The following POLB variants were observed in gnomAD, a reference collection of about 807,000 sequenced individuals.
POLB encodes the protein 5'-dRP lyase.
A neutral mutation model predicts 52.7 loss-of-function variants in POLB; 37 were observed. That is an observed-to-expected ratio of 0.70 (90% CI 0.54 to 0.92). The LOEUF (loss-of-function observed/expected upper bound fraction) is 0.92. Among genes scored for constraint, POLB ranks in the 40% least tolerant of loss-of-function variants. The pLI is 0.00. For missense variants in POLB, 313 were observed against 400.8 expected (o/e 0.78, Z 1.87); for synonymous variants, 138 against 131.3 (o/e 1.05, Z -0.35).
At chr8:42,353,456 A>T (rs1463510693) in intron 6 of POLB, among the ~76,000 whole-genome samples, 1 of 152,144 alleles carries the variant, frequency 6.6e-6, no homozygotes, top group African/African-American at 2.4e-5. Context: ...TTAGATTAAA[A>T]GCTAAGTTAT....
chr8:42,338,771 A>G (rs1395372689), intron 1 of POLB, 86 bp downstream of exon 1: 9 of 1,337,010 alleles, frequency 6.7e-6, no homozygotes, highest in Non-Finnish European at 8.6e-6. Flanking sequence ...CCGACAGTCC[A>G]GTGGGTAGGG....
chr8:42,347,023 A>G (rs1822659599), intron 3 of POLB, among the ~76,000 whole-genome samples: 1 of 152,082 alleles, frequency 6.6e-6, no homozygotes, highest in African/African-American at 2.4e-5. Context: ...TTTTATCCCT[A>G]CAGTACTTCC....
chr8:42,345,360 A>G (rs1822546209), intron 3 of POLB, among the ~76,000 whole-genome samples: 1 of 152,104 alleles, frequency 6.6e-6, no homozygotes, highest in African/African-American at 2.4e-5. Context: ...GGTCCCACCT[A>G]TTTTTCTCTG....
rs2130790594 is a variant in POLB, at chr8:42,346,799, C to G, written c.186+1780C>G. 2.0e-5 allele frequency among the ~76,000 whole-genome samples: 3 copies of G among 152,322 alleles called. No homozygotes were observed. The South Asian group carries it at 6.2e-4, about 32-fold the overall frequency. ...TGTCCACATTCAACATGTGCCACAT[C>G]TTAACCTTGACTTCGCTACTCAGTA... On this transcript the variant is annotated intron_variant, in intron 3 of 13. Transcript: ENST00000265421.
Position 42,369,967 on chromosome 8 carries a change from A to C in POLB, c.892A>C (p.Ile298Leu). The change falls in exon 13 of 14, where the codon ATC becomes CTC. Residue 298 changes from isoleucine to leucine, a missense_variant. By Grantham distance (5) the Ile-to-Leu change is conservative. Transcript: ENST00000265421. Reference sequence around the variant, plus strand: ...GGGTTTCACAATCAATGAGTACACCATCCGTCCCTTGGGAGTCACTGGTGA... The same window carrying C: ...GGGTTTCACAATCAATGAGTACACCCTCCGTCCCTTGGGAGTCACTGGTGA... Reference protein sequence around the residue: ...EKGFTINEYTIRPLGVTGVAG... With the variant: ...EKGFTINEYTLRPLGVTGVAG... 1 of 1,610,418 alleles carries C rather than the reference A, an allele frequency of 6.2e-7. No homozygotes were observed. The highest frequency in any genetic ancestry group is 8.5e-7 in the Non-Finnish European group (1 of 1,176,952).
intron 7 of POLB, among the ~76,000 whole-genome samples, chr8:42,356,421 C>T (rs751990487): frequency 6.6e-6 from 1 of 152,174 alleles, no homozygotes. Context: ...TTCCTAACAG[C>T]CTTATTGAGA....
At chr8:42,357,648 G>A (rs1382039170) in intron 9 of POLB, 3 of 365,828 alleles carry the variant, frequency 8.2e-6, no homozygotes, top group Non-Finnish European at 1.5e-5. Flanking sequence ...ATATTGAAAT[G>A]CTAGTAATGG....
At chr8:42,365,956 T>C (rs1176856282) in intron 11 of POLB, among the ~76,000 whole-genome samples, 1 of 151,788 alleles carries the variant, frequency 6.6e-6, no homozygotes, top group Non-Finnish European at 1.5e-5. Context: ...AAAAATTAGC[T>C]GGGCGTGGTG....
chr8:42,356,754 T>C lies in POLB; in HGVS notation c.423-415T>C, dbSNP rs141438316. ...CACTTAGCATATTGTTGTCTGAGTTTATGTTGCAGGATAGTATTTGAAAAT... is the reference window on the plus strand; with the variant it reads ...CACTTAGCATATTGTTGTCTGAGTTCATGTTGCAGGATAGTATTTGAAAAT... On this transcript the variant is annotated intron_variant, in intron 7 of 13. Transcript: ENST00000265421. Among the ~76,000 whole-genome samples the C allele has an allele frequency of 3.9e-3, 601 of 152,304 alleles. 4 individuals carry two copies. Among genetic ancestry groups the C allele is most frequent in the African/African-American group, 0.014 (582 of 41,562 alleles).
intron 2 of POLB, among the ~76,000 whole-genome samples, chr8:42,343,345 AAT>A (rs1554531634): frequency 0.01 from 344 of 33,048 alleles, 19 homozygotes; most frequent in Middle Eastern, 0.062. Context: ...AAAAAAAAAA[AAT>A]ATATATATAT....
At chr8:42,364,734 G>T (rs910558221) in intron 11 of POLB, among the ~76,000 whole-genome samples, 1 of 152,166 alleles carries the variant, frequency 6.6e-6, no homozygotes, top group African/African-American at 2.4e-5. Flanking sequence ...AGTTGAGAAA[G>T]ATAATTAAAT....
At chr8:42,349,257 T>G in intron 4 of POLB, 167 bp downstream of exon 4, 1 of 516,276 alleles carries the variant, frequency 1.9e-6, no homozygotes, top group Non-Finnish European at 3.5e-6. Flanking sequence ...CCATAAAATG[T>G]TCACTTGTTT....
At chr8:42,339,132 T>G in intron 2 of POLB, 63 bp downstream of exon 2, 1 of 1,262,054 alleles carries the variant, frequency 7.9e-7, no homozygotes, top group Non-Finnish European at 1.2e-6. Context: ...GTGTGGCAAT[T>G]AACAGGACTG....
intron 6 of POLB, among the ~76,000 whole-genome samples, chr8:42,355,184 G>T (rs1024659396): frequency 2.0e-5 from 3 of 151,854 alleles, no homozygotes; most frequent in Admixed American, 2.0e-4. Context: ...GATTACAGGG[G>T]CACACCACCA....
At chr8:42,361,174 C>T in intron 9 of POLB, 121 bp from the exon 10 acceptor site, 1 of 742,986 alleles carries the variant, frequency 1.3e-6, no homozygotes, top group East Asian at 2.6e-5. Context: ...CTATGAAGCA[C>T]AGTGAAATAG....
chr8:42,363,117 C>T (rs1481169486), intron 11 of POLB, among the ~76,000 whole-genome samples: 14 of 150,072 alleles, frequency 9.3e-5, no homozygotes, highest in Non-Finnish European at 1.9e-4. Context: ...GAGAGAAACT[C>T]CGCCAAAAAA....
chr8:42,346,560 T>A (rs3136736), intron 3 of POLB, among the ~76,000 whole-genome samples: 6,410 of 151,748 alleles, frequency 0.042, 192 homozygotes, highest in African/African-American at 0.081. Context: ...ATTTTTTTTT[T>A]AATTTATTTC....
intron 2 of POLB, chr8:42,339,334 C>T: frequency 2.1e-6 from 1 of 471,966 alleles, no homozygotes; most frequent in South Asian, 2.5e-5. Context: ...ACTAGAAATG[C>T]GGTGTAATTT....
At chr8:42,352,742 A>G (rs1823051287) in intron 6 of POLB, among the ~76,000 whole-genome samples, 174 bp downstream of exon 6, 1 of 152,202 alleles carries the variant, frequency 6.6e-6, no homozygotes, top group Admixed American at 6.5e-5. Flanking sequence ...TATTACCATC[A>G]TAAACATTTT....
Sources: allele counts gnomAD v4.1 joint callset (sites outside exome capture counted in the v4.1 genomes callset), GRCh38; gene constraint gnomAD v4.1.1; transcripts MANE v1.5; gene names NCBI Gene and HGNC (gene_info 2026-07-23, HGNC 2026-07-21).